FREM2: variants seen among roughly 807,000 people sequenced by gnomAD.
The protein encoded by FREM2 is FRAS1 related extracellular matrix 2.
A neutral mutation model predicts 219.9 loss-of-function variants in FREM2; 119 were observed. That is an observed-to-expected ratio of 0.54 (90% CI 0.47 to 0.63). FREM2 has a LOEUF of 0.63. Ranked by LOEUF, FREM2 falls within the 30% of genes least tolerant of loss-of-function variation. The probability of loss-of-function intolerance (pLI) is 0.00; values close to 1 mark genes in which losing one functional copy is unlikely to be tolerated. For missense variants in FREM2, 4,030 were observed against 3,993.6 expected, an observed-to-expected ratio of 1.01 and a Z score of -0.25; for synonymous variants, 1,562 against 1,522.8, an observed-to-expected ratio of 1.03 and a Z score of -0.60.
rs138604723 is a variant in FREM2 at position 38,839,060 on chromosome 13, G to A, written c.6020-7513G>A. 5.1e-3 allele frequency among the ~76,000 whole-genome samples: 778 copies of A among 152,266 alleles called. 28 individuals are homozygous for A. Among genetic ancestry groups the A allele is most frequent in the Admixed American group, 0.043 (653 of 15,298 alleles). ...GGCATTCTGGTTTTTGGAATTTTCA[G>A]CCTCTTTGTGCTGATTTTTCCTCAT... On this transcript the variant is annotated intron_variant, in intron 6 of 23. Coordinates refer to ENST00000280481, the MANE Select transcript of FREM2 (RefSeq NM_207361.6).
At chr13:38,859,729 T>G in intron 14 of FREM2, 139 bp downstream of exon 14, 1 of 896,476 alleles carries the variant, frequency 1.1e-6, no homozygotes, top group Admixed American at 2.1e-5. Flanking sequence ...AAATCTATTT[T>G]TACAAAATTA....
chr13:38,846,299 A>G (rs1357503201), intron 6 of FREM2, among the ~76,000 whole-genome samples: 1 of 152,050 alleles, frequency 6.6e-6, no homozygotes, highest in Non-Finnish European at 1.5e-5. Flanking sequence ...TTTAGAAGCC[A>G]CTTATAATCC....
At chr13:38,783,293 C>G (rs572403981) in intron 5 of FREM2, 98 bp downstream of exon 5, 148 of 1,280,668 alleles carry the variant, frequency 1.2e-4, no homozygotes, top group Non-Finnish European at 1.5e-4. Flanking sequence ...GAGGGGTATA[C>G]TTTATTAATT....
chr13:38,725,693 A>G (rs1407624141), intron 2 of FREM2, among the ~76,000 whole-genome samples: 1 of 152,216 alleles, frequency 6.6e-6, no homozygotes, highest in African/African-American at 2.4e-5. Context: ...CTCTTCACTT[A>G]AAGTTTTCTC....
chr13:38,867,796 CTT>C (rs1878025398), intron 16 of FREM2, among the ~76,000 whole-genome samples: 1 of 152,230 alleles, frequency 6.6e-6, no homozygotes, highest in Non-Finnish European at 1.5e-5. Context: ...CACAACCACT[CTT>C]TGAGATAAGT....
At chr13:38,861,313 T>G (rs1275978993) in intron 14 of FREM2, 118 bp from the exon 15 acceptor site, 1 of 978,222 alleles carries the variant, frequency 1.0e-6, no homozygotes, top group Non-Finnish European at 1.6e-6. Context: ...AGCCATGCCC[T>G]ACTCCACAGA....
chr13:38,872,348 CT>C (rs1402596647), intron 16 of FREM2, among the ~76,000 whole-genome samples: 1 of 152,114 alleles, frequency 6.6e-6, no homozygotes, highest in African/African-American at 2.4e-5. Context: ...TGATGAAAAT[CT>C]TCTAAAATTG....
At chr13:38,751,379 G>A (rs1424655414) in intron 2 of FREM2, among the ~76,000 whole-genome samples, 1 of 152,026 alleles carries the variant, frequency 6.6e-6, no homozygotes, top group East Asian at 1.9e-4. Flanking sequence ...TTTCCTTTGT[G>A]AGCAGCCTGG....
At chr13:38,781,011 T>C (rs1014671488) in intron 4 of FREM2, among the ~76,000 whole-genome samples, 5 of 152,232 alleles carry the variant, frequency 3.3e-5, no homozygotes, top group Non-Finnish European at 5.9e-5. Flanking sequence ...TTGCTTGTTC[T>C]CATCCCATCT....
At chr13:38,750,016 G>A (rs1032680649) in intron 2 of FREM2, among the ~76,000 whole-genome samples, 1 of 152,174 alleles carries the variant, frequency 6.6e-6, no homozygotes, top group Non-Finnish European at 1.5e-5. Flanking sequence ...TAAGTTGAAA[G>A]AGAGAGAAGG....
At chr13:38,765,132 G>A (rs939825771) in intron 3 of FREM2, among the ~76,000 whole-genome samples, 4 of 152,072 alleles carry the variant, frequency 2.6e-5, no homozygotes, top group African/African-American at 4.8e-5. Flanking sequence ...GGATAGTCTC[G>A]ATCTCCTGAC....
intron 2 of FREM2, among the ~76,000 whole-genome samples, chr13:38,738,746 C>G (rs1330170055): frequency 6.6e-6 from 1 of 151,916 alleles, no homozygotes; most frequent in Non-Finnish European, 1.5e-5. Flanking sequence ...TGAGACCAGC[C>G]TATCTCTGAG....
rs1341424473 is a variant in FREM2 at position 38,856,880 on chromosome 13, A to T, written c.7056+624A>T. 2.0e-5 allele frequency among the ~76,000 whole-genome samples: 3 copies of T among 152,048 alleles called. No homozygotes were observed. The East Asian group carries it at 5.8e-4, about 29-fold the overall frequency. ...CTACGTGTCTTTTTGGAATGTATTAATTTTTTATGTCTTTGCTTACATTTA... is the reference window on the plus strand; with the variant it reads ...CTACGTGTCTTTTTGGAATGTATTATTTTTTTATGTCTTTGCTTACATTTA... On this transcript the variant is annotated intron_variant, in intron 12 of 23. Coordinates refer to ENST00000280481, the MANE Select transcript of FREM2 (RefSeq NM_207361.6).
In FREM2 at chr13:38,856,045, T is replaced by TAA. The variant is rs34182165; in HGVS notation, c.6926-60_6926-59dup. The TAA allele has an allele frequency of 2.9e-3, 1,729 of 600,330 alleles. 2 individuals carry two copies. Among genetic ancestry groups the TAA allele is most frequent in the Non-Finnish European group, 3.6e-3 (1,359 of 375,846 alleles). The allele number at this position is 600,330 out of a possible 1,614,324, so 37.2% of individuals were successfully genotyped here. Reference sequence around the variant, plus strand: ...ATGTATTTCTCATTGTAGGCCACAGTAAAAAAAAAAAAAAAAAAAAAATAG... The same window carrying TAA: ...ATGTATTTCTCATTGTAGGCCACAGTAAAAAAAAAAAAAAAAAAAAAAAATAG... On this transcript the variant is annotated intron_variant, in intron 11 of 23. Coordinates refer to ENST00000280481, the MANE Select transcript of FREM2 (RefSeq NM_207361.6).
chr13:38,784,100 A>G lies in FREM2; in HGVS notation c.5768-457A>G, dbSNP rs942962561. 2.6e-5 allele frequency among the ~76,000 whole-genome samples: 4 copies of G among 152,162 alleles called. No individual in the cohort carries two copies. In the East Asian group the frequency reaches 7.7e-4, roughly 29 times the overall value. ...GGCAACAGAGCGAAACTCAGTCTCA[A>G]AAAAAAAGCTGACTTCAGGACCAGC... On this transcript the variant is annotated intron_variant, in intron 5 of 23. Coordinates refer to ENST00000280481, the MANE Select transcript of FREM2 (RefSeq NM_207361.6).
At chr13:38,739,849 G>A (rs1363290581) in intron 2 of FREM2, among the ~76,000 whole-genome samples, 1 of 152,154 alleles carries the variant, frequency 6.6e-6, no homozygotes. Flanking sequence ...TGGAACACAT[G>A]GCATAATTTA....
chr13:38,828,575 G>T (rs931627710), intron 6 of FREM2, among the ~76,000 whole-genome samples: 2 of 151,936 alleles, frequency 1.3e-5, no homozygotes, highest in Non-Finnish European at 2.9e-5. Context: ...GCCTGGTATG[G>T]TGTTGTGTAC....
chr13:38,854,093 G>T (rs1255276847), intron 11 of FREM2, among the ~76,000 whole-genome samples: 1 of 149,386 alleles, frequency 6.7e-6, no homozygotes, highest in Non-Finnish European at 1.5e-5. Context: ...TCCTTTTCAG[G>T]TTCAAACTGA....
chr13:38,854,307 G>T (rs1877478819), intron 11 of FREM2, among the ~76,000 whole-genome samples: 1 of 151,886 alleles, frequency 6.6e-6, no homozygotes, highest in South Asian at 2.1e-4. Flanking sequence ...TAAGAAATTT[G>T]GTTTGTATAA....
Sources: gnomAD v4.1 joint callset for allele counts (sites outside exome capture counted in the v4.1 genomes callset) on GRCh38, gnomAD v4.1.1 for gene constraint, MANE v1.5 for transcripts, NCBI Gene and HGNC (gene_info 2026-07-23, HGNC 2026-07-21) for gene names.